The following TPH2 variants were observed in gnomAD, a reference collection of about 807,000 sequenced individuals.
TPH2 encodes the protein tryptophan hydroxylase 2.
A neutral mutation model predicts 59.1 loss-of-function variants in TPH2; 27 were observed. The ratio of observed to expected loss-of-function variants is 0.46; its 90% CI spans 0.34 to 0.63. The LOEUF (loss-of-function observed/expected upper bound fraction) is 0.63, where lower values mean the gene tolerates loss of function less well. TPH2 is among the 30% of genes least tolerant of loss of function. The pLI, the probability that TPH2 is intolerant of heterozygous loss-of-function variation, is 0.01. For synonymous variants in TPH2, 220 were observed against 210.5 expected (o/e 1.05, Z -0.39); for missense variants, 523 against 588.3 (o/e 0.89, Z 1.15).
At chr12:71,964,805 T>C (rs1222949222) in intron 5 of TPH2, 3 of 925,944 alleles carry the variant, frequency 3.2e-6, no homozygotes, top group Non-Finnish European at 3.9e-6. Context: ...TTACTTTAGG[T>C]TTAGGGGTAC....
intron 5 of TPH2, among the ~76,000 whole-genome samples, chr12:71,968,687 C>A (rs558637849): frequency 2.6e-5 from 4 of 152,342 alleles, no homozygotes; most frequent in African/African-American, 9.6e-5. Flanking sequence ...AGGAAAGAAA[C>A]TGCCCTTTCC....
chr12:71,972,744 T>A, intron 6 of TPH2, 29 bp downstream of exon 6: 1 of 1,605,728 alleles, frequency 6.2e-7, no homozygotes, highest in Non-Finnish European at 8.5e-7. Flanking sequence ...TGTCTCTTAT[T>A]AGTCAATATC....
intron 4 of TPH2, among the ~76,000 whole-genome samples, chr12:71,946,270 C>T (rs974230927): frequency 1.2e-4 from 19 of 152,230 alleles, no homozygotes; most frequent in Admixed American, 6.5e-4. Flanking sequence ...TTAAATCATC[C>T]GGATCAATGC....
intron 5 of TPH2, chr12:71,964,845 A>G: frequency 1.7e-6 from 1 of 594,042 alleles, no homozygotes; most frequent in Non-Finnish European, 2.1e-6. Flanking sequence ...AGGTAAACAC[A>G]TGTCATGGGG....
At chr12:71,962,701 T>C in intron 5 of TPH2, 1 of 976,256 alleles carries the variant, frequency 1.0e-6, no homozygotes, top group Non-Finnish European at 1.2e-6. Context: ...ATTTACTCAC[T>C]TAACAAATAT....
intron 8 of TPH2, among the ~76,000 whole-genome samples, chr12:71,997,035 TAGTC>T (rs1275751265): frequency 6.6e-6 from 1 of 152,206 alleles, no homozygotes; most frequent in African/African-American, 2.4e-5. Flanking sequence ...GGAATAGTTT[TAGTC>T]AGAATAATTT....
At chr12:72,001,544 G>GC (rs1220534023) in intron 8 of TPH2, among the ~76,000 whole-genome samples, 2 of 151,486 alleles carry the variant, frequency 1.3e-5, no homozygotes, top group African/African-American at 4.9e-5. Flanking sequence ...TCCTGCCTCA[G>GC]CCCCCCGGGT....
intron 5 of TPH2, among the ~76,000 whole-genome samples, chr12:71,960,275 C>T (rs1354884946): frequency 6.6e-6 from 1 of 152,162 alleles, no homozygotes; most frequent in Non-Finnish European, 1.5e-5. Context: ...CAAGATGCCA[C>T]GTCTTTTCTT....
intron 9 of TPH2, among the ~76,000 whole-genome samples, chr12:72,024,080 T>G (rs1873503048): frequency 6.6e-6 from 1 of 152,230 alleles, no homozygotes; most frequent in South Asian, 2.1e-4. Context: ...ACCACTAGGC[T>G]GCACTCCCTG....
intron 5 of TPH2, among the ~76,000 whole-genome samples, chr12:71,968,123 C>G (rs919802947): frequency 2.0e-5 from 3 of 152,116 alleles, no homozygotes; most frequent in Non-Finnish European, 2.9e-5. Flanking sequence ...CCACACTCAC[C>G]CTGGTTCTGA....
intron 5 of TPH2, among the ~76,000 whole-genome samples, chr12:71,961,236 G>C (rs1476162557): frequency 3.9e-5 from 6 of 152,184 alleles, no homozygotes; most frequent in Non-Finnish European, 8.8e-5. Flanking sequence ...ACATTTGTAA[G>C]CCTCAGTTTC....
At chr12:72,005,385 G>T (rs1381673705) in intron 8 of TPH2, among the ~76,000 whole-genome samples, 1 of 110,412 alleles carries the variant, frequency 9.1e-6, no homozygotes, top group Non-Finnish European at 2.2e-5. Context: ...TTATTAAAAA[G>T]ATAACATATA....
intron 7 of TPH2, among the ~76,000 whole-genome samples, chr12:71,980,956 C>T (rs1183561901): frequency 6.6e-6 from 1 of 152,108 alleles, no homozygotes; most frequent in Non-Finnish European, 1.5e-5. Context: ...TAAAGCAGTT[C>T]ACATTCTGGC....
intron 4 of TPH2, among the ~76,000 whole-genome samples, chr12:71,946,759 G>C (rs1871207403): frequency 6.6e-6 from 1 of 152,108 alleles, no homozygotes; most frequent in Non-Finnish European, 1.5e-5. Flanking sequence ...CTTCAGAAGG[G>C]GCTTGGAATA....
intron 6 of TPH2, among the ~76,000 whole-genome samples, chr12:71,978,277 A>G (rs1283700719): frequency 6.6e-6 from 1 of 152,096 alleles, no homozygotes; most frequent in African/African-American, 2.4e-5. Flanking sequence ...AGAAGAAAAC[A>G]TTAAGTAGCC....
intron 8 of TPH2, among the ~76,000 whole-genome samples, chr12:72,017,837 G>C (rs990708115): frequency 3.3e-5 from 5 of 152,168 alleles, no homozygotes; most frequent in African/African-American, 1.2e-4. Flanking sequence ...GGGTCATCGA[G>C]TGCAACTCTA....
At chr12:72,007,097 GT>G (rs1485950314) in intron 8 of TPH2, among the ~76,000 whole-genome samples, 1 of 152,110 alleles carries the variant, frequency 6.6e-6, no homozygotes, top group Non-Finnish European at 1.5e-5. Flanking sequence ...AGACTATGCA[GT>G]TTATATTACA....
At chr12:71,943,110 A>G (rs2139177693) in intron 2 of TPH2, among the ~76,000 whole-genome samples, 1 of 152,358 alleles carries the variant, frequency 6.6e-6, no homozygotes, top group African/African-American at 2.4e-5. Context: ...TTGGGCCTTG[A>G]ACTTAATCTT....
At position 72,019,678 on chromosome 12, in the gene TPH2, C is replaced by T. The variant is rs544705648; in HGVS notation, c.1069-2721C>T. Among the ~76,000 whole-genome samples the T allele has an allele frequency of 9.1e-4, 139 of 152,294 alleles. 1 individual carries two copies. Among genetic ancestry groups the T allele is most frequent in the South Asian group, 2.1e-3 (10 of 4,822 alleles). On this transcript the variant is annotated intron_variant, in intron 8 of 10. Coordinates refer to ENST00000333850, the MANE Select transcript of TPH2 (RefSeq NM_173353.4). ...TATTGATTTTAGTTTTTGTTATTGC[C>T]TGTCTCATCCCAGTAGCATATATGC...
Sources: allele counts gnomAD v4.1 joint callset (sites outside exome capture counted in the v4.1 genomes callset), GRCh38; gene constraint gnomAD v4.1.1; transcripts MANE v1.5; gene names NCBI Gene and HGNC (gene_info 2026-07-23, HGNC 2026-07-21).